Variants in KSR1 observed in about 807,000 individuals in gnomAD.
KSR1 encodes kinase suppressor of ras.
Under a neutral mutation model 92.9 loss-of-function variants are expected in KSR1, and 35 were observed. The ratio of observed to expected loss-of-function variants is 0.38; its 90% CI spans 0.29 to 0.50. The LOEUF is 0.50. Ranked by LOEUF, KSR1 falls within the 20% of genes least tolerant of loss-of-function variation. KSR1 has a pLI of 0.94. For missense variants in KSR1, 972 were observed against 1,158.5 expected (o/e 0.84, Z 2.34); for synonymous variants, 467 against 472.6 (o/e 0.99, Z 0.15).
intron 2 of KSR1, among the ~76,000 whole-genome samples, chr17:27,571,197 G>A (rs866938451): frequency 7.2e-5 from 11 of 152,164 alleles, no homozygotes; most frequent in African/African-American, 1.9e-4. Context: ...GGCTGGGCCC[G>A]GAACTGGCCA....
chr17:27,601,294 A>G, intron 10 of KSR1, 66 bp from the exon 11 acceptor site: 1 of 1,413,398 alleles, frequency 7.1e-7, no homozygotes. Context: ...CGGTACCTGC[A>G]ATTCCGCTCC....
Position 27,582,939 on chromosome 17 carries a change from C to CCCA in KSR1, c.819_821dup (p.Thr274dup). 6.2e-7 allele frequency: 1 copy of CCCA among 1,609,440 alleles called. No homozygotes were observed. Among genetic ancestry groups the CCCA allele is most frequent in the Non-Finnish European group, 8.5e-7 (1 of 1,177,378 alleles). On this transcript the variant is annotated inframe_insertion, in exon 4 of 21. Coordinates refer to ENST00000644974, the MANE Select transcript of KSR1 (RefSeq NM_001394583.1). Reference sequence around the variant, plus strand: ...TGCCCTGCACAGCTTCATCACCCCGCCCACCACACCCCAGCTGCGACGGCA... The same window carrying CCCA: ...TGCCCTGCACAGCTTCATCACCCCGCCCACCACCACACCCCAGCTGCGACGGCA...
Position 27,601,922 on chromosome 17 carries a change from C to CT in KSR1, c.1510+522dup, listed in dbSNP as rs1416192474. On this transcript the variant is annotated intron_variant, in intron 11 of 20. Transcript: ENST00000644974. ...ATCTGCTGGCCATTGCTGGAAATGC[C>CT]TCCTTATTGCAGAAAGTTTAAAGGA... is the stretch of plus-strand genomic sequence containing the variant. 1.9e-6 allele frequency: 3 copies of CT among 1,609,460 alleles called. No individual in the cohort carries two copies. The East Asian group carries it at 6.7e-5, about 36-fold the overall frequency.
intron 1 of KSR1, among the ~76,000 whole-genome samples, chr17:27,541,914 A>G (rs1411300512): frequency 6.6e-6 from 1 of 152,246 alleles, no homozygotes; most frequent in Admixed American, 6.5e-5. Flanking sequence ...TCCCTGAGCC[A>G]GTGAGTGAGC....
intron 9 of KSR1, among the ~76,000 whole-genome samples, chr17:27,595,805 G>A (rs2073325416): frequency 6.6e-6 from 1 of 152,026 alleles, no homozygotes. Context: ...GTGAGATGCT[G>A]GTGCCGTTCT....
intron 2 of KSR1, among the ~76,000 whole-genome samples, chr17:27,567,261 G>A (rs1824046944): frequency 6.6e-6 from 1 of 152,250 alleles, no homozygotes; most frequent in South Asian, 2.1e-4. Context: ...CGCTGGTGAC[G>A]TGGGATCTGT....
At chr17:27,510,458 A>G (rs955631931) in intron 1 of KSR1, among the ~76,000 whole-genome samples, 4 of 152,256 alleles carry the variant, frequency 2.6e-5, no homozygotes, top group African/African-American at 9.6e-5. Flanking sequence ...AGGTACCAGC[A>G]TGAGTGGTCA....
chr17:27,501,786 G>C (rs139283898), intron 1 of KSR1, among the ~76,000 whole-genome samples: 1 of 152,204 alleles, frequency 6.6e-6, no homozygotes, highest in African/African-American at 2.4e-5. Flanking sequence ...GGCGTGAGCC[G>C]CTGCACCCAG....
intron 19 of KSR1, among the ~76,000 whole-genome samples, chr17:27,618,059 G>C (rs1366275433): frequency 5.3e-5 from 8 of 152,218 alleles, no homozygotes; most frequent in Non-Finnish European, 1.0e-4. Flanking sequence ...GGAGGGGCAA[G>C]ATGGGGCCAG....
chr17:27,506,400 GTTGT>G (rs1047625189), intron 1 of KSR1, among the ~76,000 whole-genome samples: 4 of 152,224 alleles, frequency 2.6e-5, no homozygotes, highest in African/African-American at 9.7e-5. Flanking sequence ...GCTCGATGTG[GTTGT>G]TTAACAAAGC....
At chr17:27,543,602 C>T (rs973788167) in intron 1 of KSR1, among the ~76,000 whole-genome samples, 2 of 152,214 alleles carry the variant, frequency 1.3e-5, no homozygotes, top group African/African-American at 4.8e-5. Context: ...CCAAGTGATA[C>T]TCGTGGAGCC....
chr17:27,610,440 C>T (rs1311905887), intron 17 of KSR1, among the ~76,000 whole-genome samples: 1 of 152,254 alleles, frequency 6.6e-6, no homozygotes, highest in East Asian at 1.9e-4. Flanking sequence ...AAGGTCATTT[C>T]ATGAGGACTA....
At chr17:27,566,865 G>T (rs1259622678) in intron 2 of KSR1, among the ~76,000 whole-genome samples, 1 of 152,208 alleles carries the variant, frequency 6.6e-6, no homozygotes, top group Non-Finnish European at 1.5e-5. Context: ...TGAGCATGCT[G>T]CTTTTTTACA....
At position 27,457,306 on chromosome 17, in the gene KSR1, CCT is replaced by C. The variant is rs151024648; in HGVS notation, c.231+433_231+434del. On this transcript the variant is annotated intron_variant, in intron 1 of 20. Transcript: ENST00000644974. ...AAGCGTGATCGCAGGCCTGCCGTCC[CCT>C]GTTCCCCTCACGCCCCAGACGCCGT... Among the ~76,000 whole-genome samples, 873 of 152,334 alleles carry C rather than the reference CCT, an allele frequency of 5.7e-3. 10 individuals carry two copies. The highest frequency in any genetic ancestry group is 0.019 in the African/African-American group (795 of 41,562).
At chr17:27,526,094 T>TTCTTTCTCTCTCTCTC (rs55706224) in intron 1 of KSR1, among the ~76,000 whole-genome samples, 131 of 118,468 alleles carry the variant, frequency 1.1e-3, no homozygotes, top group East Asian at 3.5e-3. Context: ...CTTTCTTTCT[T>TTCTTTCTCTCTCTCTC]TCTCTCTCTC....
At chr17:27,475,617 C>T (rs1021382169) in intron 1 of KSR1, among the ~76,000 whole-genome samples, 3 of 152,188 alleles carry the variant, frequency 2.0e-5, no homozygotes, top group South Asian at 2.1e-4. Context: ...ATCTATGACA[C>T]GGGGACAGCG....
intron 6 of KSR1, among the ~76,000 whole-genome samples, chr17:27,588,907 G>A (rs1405850777): frequency 3.3e-5 from 5 of 152,174 alleles, no homozygotes; most frequent in Admixed American, 2.6e-4. Context: ...ATCAGAGTCC[G>A]CTGTAGAGCT....
intron 1 of KSR1, among the ~76,000 whole-genome samples, chr17:27,466,337 C>T (rs1426368897): frequency 6.6e-6 from 1 of 152,184 alleles, no homozygotes; most frequent in Non-Finnish European, 1.5e-5. Context: ...GAGAAATTGC[C>T]TTTTTTACAA....
At chr17:27,585,618 G>A in intron 4 of KSR1, 39 bp from the exon 5 acceptor site, 1 of 752,322 alleles carries the variant, frequency 1.3e-6, no homozygotes, top group Non-Finnish European at 2.5e-6. Context: ...GAGCCAGCGT[G>A]GTGACGTAAT....
Sources: gnomAD v4.1 joint callset for allele counts (sites outside exome capture counted in the v4.1 genomes callset) on GRCh38, gnomAD v4.1.1 for gene constraint, MANE v1.5 for transcripts, NCBI Gene and HGNC (gene_info 2026-07-23, HGNC 2026-07-21) for gene names.